COL4A3: variants seen among roughly 807,000 people sequenced by gnomAD.
The protein encoded by COL4A3 is collagen type IV alpha 3 chain, also known as collagen alpha-3(IV) chain.
Under a neutral mutation model 217.4 loss-of-function variants are expected in COL4A3, and 135 were observed. The ratio of observed to expected loss-of-function variants is 0.62; its 90% CI spans 0.54 to 0.72. COL4A3 has a LOEUF of 0.72. COL4A3 is among the 30% of genes least tolerant of loss of function. COL4A3 has a pLI of 0.00. For missense variants in COL4A3, 1,868 were observed against 2,119.9 expected (o/e 0.88, Z 2.33); for synonymous variants, 690 against 736.3 (o/e 0.94, Z 1.02).
intron 1 of COL4A3, among the ~76,000 whole-genome samples, chr2:227,174,508 A>ATTG (rs1340164373): frequency 2.6e-5 from 4 of 150,976 alleles, no homozygotes; most frequent in African/African-American, 9.9e-5. Flanking sequence ...GATTATTATT[A>ATTG]TTATTATTAT....
In COL4A3 at chr2:227,300,343, T is replaced by G. The variant is rs77488706; in HGVS notation, c.3882+1531T>G. ...TTCCTCATGAACTGCTACTAAGTTT[T>G]CTCCATTATTTCTTGCCTAGCTTGT... On this transcript the variant is annotated intron_variant, in intron 43 of 51. Coordinates refer to ENST00000396578, the MANE Select transcript of COL4A3 (RefSeq NM_000091.5). Among the ~76,000 whole-genome samples, 257 of 151,962 alleles carry G rather than the reference T, an allele frequency of 1.7e-3. 1 individual carries two copies. Among genetic ancestry groups the G allele is most frequent in the African/African-American group, 6.1e-3 (251 of 41,214 alleles).
chr2:227,266,187 A>AG (rs1401200336), intron 21 of COL4A3, among the ~76,000 whole-genome samples: 7 of 152,198 alleles, frequency 4.6e-5, no homozygotes, highest in Non-Finnish European at 8.8e-5. Context: ...ACCAAAAAAA[A>AG]AAATTATACA....
chr2:227,300,430 C>A (rs2073228921), intron 43 of COL4A3, among the ~76,000 whole-genome samples: 1 of 152,132 alleles, frequency 6.6e-6, no homozygotes, highest in Non-Finnish European at 1.5e-5. Context: ...TCTTAGACAT[C>A]ATCTTATTCA....
At chr2:227,176,564 T>G (rs1345403408) in intron 1 of COL4A3, among the ~76,000 whole-genome samples, 1 of 152,212 alleles carries the variant, frequency 6.6e-6, no homozygotes, top group East Asian at 1.9e-4. Flanking sequence ...GATCCATGTT[T>G]GTTAATTAGA....
At chr2:227,303,149 A>G (rs2073365113) in intron 44 of COL4A3, 39 bp downstream of exon 44, 2 of 1,531,366 alleles carry the variant, frequency 1.3e-6, no homozygotes, top group African/African-American at 1.4e-5. Flanking sequence ...TGCAAATACC[A>G]TAACCTCAAT....
intron 47 of COL4A3, among the ~76,000 whole-genome samples, chr2:227,307,040 G>T (rs1313356391): frequency 6.6e-6 from 1 of 152,100 alleles, no homozygotes; most frequent in African/African-American, 2.4e-5. Flanking sequence ...GACAAGTGTG[G>T]ATTAGCCTTG....
At chr2:227,283,333 T>C (rs757217581) in intron 32 of COL4A3, among the ~76,000 whole-genome samples, 1 of 152,224 alleles carries the variant, frequency 6.6e-6, no homozygotes, top group Non-Finnish European at 1.5e-5. Flanking sequence ...TACTATCACA[T>C]GCCAGCATTC....
chr2:227,276,841 T>C (rs2071595465), intron 27 of COL4A3, among the ~76,000 whole-genome samples: 1 of 152,242 alleles, frequency 6.6e-6, no homozygotes, highest in Non-Finnish European at 1.5e-5. Flanking sequence ...TGAAAACTGA[T>C]TGTCTTTGCC....
At chr2:227,203,984 T>C (rs1282595539) in intron 1 of COL4A3, among the ~76,000 whole-genome samples, 1 of 152,110 alleles carries the variant, frequency 6.6e-6, no homozygotes, top group Non-Finnish European at 1.5e-5. Context: ...AAATATTCAT[T>C]GACTAACATT....
chr2:227,206,806 T>A (rs1230659151), intron 1 of COL4A3, among the ~76,000 whole-genome samples: 1 of 152,228 alleles, frequency 6.6e-6, no homozygotes, highest in Non-Finnish European at 1.5e-5. Context: ...CAGGTTTACA[T>A]GTCTTAGCTA....
At chr2:227,244,849 A>G (rs1481349734) in intron 4 of COL4A3, 102 bp from the exon 5 acceptor site, 1 of 1,205,336 alleles carries the variant, frequency 8.3e-7, no homozygotes, top group African/African-American at 1.5e-5. Context: ...GTTATAGTGG[A>G]GGAAAAAGAT....
At position 227,238,257 on chromosome 2, in the gene COL4A3, G is replaced by C. The variant is rs142521410; in HGVS notation, c.144+233G>C. 6.5e-5 allele frequency: 24 copies of C among 368,616 alleles called. No individual in the cohort carries two copies. In the East Asian group the frequency reaches 1.2e-3, roughly 19 times the overall value. 22.8% of individuals were successfully genotyped at this position (368,616 alleles called of 1,614,324 possible). Reference sequence around the variant, plus strand: ...ATGGCAATTAAATTACAACTCTCTCGGTCTGTAAAGAATAAGTAGCAAATG... The same window carrying C: ...ATGGCAATTAAATTACAACTCTCTCCGTCTGTAAAGAATAAGTAGCAAATG... On this transcript the variant is annotated intron_variant, in intron 2 of 51. Coordinates refer to ENST00000396578, the MANE Select transcript of COL4A3 (RefSeq NM_000091.5).
intron 2 of COL4A3, 75 bp downstream of exon 2, chr2:227,238,099 C>T (rs1409471039): frequency 7.2e-6 from 7 of 969,136 alleles, no homozygotes; most frequent in Non-Finnish European, 1.2e-5. Flanking sequence ...CTTCTTTCAT[C>T]GGTAGCAGAA....
chr2:227,257,793 C>T, intron 18 of COL4A3, 149 bp downstream of exon 18: 2 of 760,120 alleles, frequency 2.6e-6, no homozygotes. Context: ...AATAGCTGGT[C>T]ACTATGTGTC....
At chr2:227,274,271 A>AAATTAATTAATT (rs2071421728) in intron 26 of COL4A3, among the ~76,000 whole-genome samples, 1 of 148,862 alleles carries the variant, frequency 6.7e-6, no homozygotes, top group African/African-American at 2.6e-5. Context: ...ATAAATAAAT[A>AAATTAATTAATT]AATTTTAAAA....
At chr2:227,297,150 T>G (rs2073063157) in intron 41 of COL4A3, among the ~76,000 whole-genome samples, 1 of 152,174 alleles carries the variant, frequency 6.6e-6, no homozygotes, top group South Asian at 2.1e-4. Context: ...AAGACTGCAA[T>G]TTTGTTGCTC....
intron 43 of COL4A3, among the ~76,000 whole-genome samples, chr2:227,300,132 A>G (rs753708322): frequency 1.1e-4 from 16 of 152,184 alleles, no homozygotes; most frequent in Non-Finnish European, 1.9e-4. Context: ...TAAAAAATAT[A>G]GCCTCTGGAA....
chr2:227,309,604 A>AT (rs964545721), intron 50 of COL4A3, among the ~76,000 whole-genome samples: 12 of 151,550 alleles, frequency 7.9e-5, no homozygotes, highest in East Asian at 3.9e-4. Flanking sequence ...TCTTTTTATT[A>AT]TTTTTTTTAT....
intron 1 of COL4A3, among the ~76,000 whole-genome samples, chr2:227,237,047 T>C (rs965003534): frequency 6.6e-6 from 1 of 152,182 alleles, no homozygotes; most frequent in African/African-American, 2.4e-5. Flanking sequence ...TTGATGTCCA[T>C]TGGAGCTGGA....
Sources: allele counts gnomAD v4.1 joint callset (sites outside exome capture counted in the v4.1 genomes callset), GRCh38; gene constraint gnomAD v4.1.1; transcripts MANE v1.5; gene names NCBI Gene and HGNC (gene_info 2026-07-23, HGNC 2026-07-21).